Variants in IQCJ observed in about 807,000 individuals in gnomAD.
IQCJ encodes IQ motif containing J, also known as IQ domain-containing protein J.
Under a neutral mutation model 11.0 loss-of-function variants are expected in IQCJ, and 9 were observed. That is an observed-to-expected ratio of 0.82 (90% CI 0.49 to 1.43). The LOEUF (loss-of-function observed/expected upper bound fraction) is 1.43, where lower values mean the gene tolerates loss of function less well. Among genes scored for constraint, IQCJ ranks in the 40% most tolerant of loss-of-function variants. The pLI is 0.00. For missense variants in IQCJ, 146 were observed against 133.2 expected (o/e 1.10, Z -0.47); for synonymous variants, 55 against 51.3 (o/e 1.07, Z -0.31).
intron 1 of IQCJ, among the ~76,000 whole-genome samples, chr3:159,102,006 A>G (rs1319506710): frequency 1.3e-5 from 2 of 152,244 alleles, no homozygotes; most frequent in South Asian, 2.1e-4. Flanking sequence ...AAGTAATCAC[A>G]TCTGGTGTGA....
intron 1 of IQCJ, among the ~76,000 whole-genome samples, chr3:159,143,488 C>T (rs1306327303): frequency 6.6e-6 from 1 of 152,174 alleles, no homozygotes; most frequent in Non-Finnish European, 1.5e-5. Context: ...ACATTATATT[C>T]TCTCTTCACC....
At chr3:159,119,725 A>G (rs1422702218) in intron 1 of IQCJ, among the ~76,000 whole-genome samples, 6 of 152,180 alleles carry the variant, frequency 3.9e-5, no homozygotes, top group Non-Finnish European at 8.8e-5. Context: ...TAAGCAATGT[A>G]TCTCCTTTTT....
rs184507952 is a variant in IQCJ, at chr3:159,263,632, A to G, written c.*901A>G. On this transcript the variant is annotated 3_prime_UTR_variant, in exon 4 of 4. Coordinates refer to ENST00000397832, the MANE Select transcript of IQCJ (RefSeq NM_001042706.3). ...TCTTTTACTTTTGGTTATCATGTTTATTCTGTGGTAAAAAGGTTTCCCAAC... is the reference window on the plus strand; with the variant it reads ...TCTTTTACTTTTGGTTATCATGTTTGTTCTGTGGTAAAAAGGTTTCCCAAC... The G allele has an allele frequency of 1.5e-4, 145 of 985,272 alleles. No homozygotes were observed. In the East Asian group the frequency reaches 8.4e-3, roughly 57 times the overall value. 61.0% of individuals were successfully genotyped at this position (985,272 alleles called of 1,614,324 possible).
intron 1 of IQCJ, among the ~76,000 whole-genome samples, chr3:159,243,567 C>T (rs1727062492): frequency 6.6e-6 from 1 of 152,088 alleles, no homozygotes. Flanking sequence ...CAAAACTAAT[C>T]TACACAGATA....
chr3:159,206,729 C>G (rs1724675883), intron 1 of IQCJ, among the ~76,000 whole-genome samples: 5 of 152,092 alleles, frequency 3.3e-5, no homozygotes, highest in Admixed American at 3.3e-4. Flanking sequence ...TATGAGCTAC[C>G]CCATATCCTT....
At chr3:159,163,353 G>A (rs998645209) in intron 1 of IQCJ, among the ~76,000 whole-genome samples, 1 of 152,160 alleles carries the variant, frequency 6.6e-6, no homozygotes. Context: ...TGCAGAAAAG[G>A]CCTTTGACAA....
chr3:159,132,961 T>G (rs6778867), intron 1 of IQCJ, among the ~76,000 whole-genome samples: 179 of 152,346 alleles, frequency 1.2e-3, no homozygotes, highest in African/African-American at 4.2e-3. Context: ...TTCCTTTCTT[T>G]GTTTTGAGCC....
intron 1 of IQCJ, among the ~76,000 whole-genome samples, chr3:159,144,364 C>T (rs144503791): frequency 6.6e-6 from 1 of 152,168 alleles, no homozygotes; most frequent in Non-Finnish European, 1.5e-5. Context: ...TGTGTGTGTT[C>T]AAGCACAGAT....
chr3:159,095,350 T>A (rs1717656251), intron 1 of IQCJ, among the ~76,000 whole-genome samples: 2 of 151,206 alleles, frequency 1.3e-5, no homozygotes, highest in South Asian at 4.2e-4. Flanking sequence ...AAGAGGAAAA[T>A]TTATTTTATT....
At position 159,101,184 on chromosome 3, in the gene IQCJ, C is replaced by T. The variant is rs58891510; in HGVS notation, c.9+31743C>T. On this transcript the variant is annotated intron_variant, in intron 1 of 3. Coordinates refer to ENST00000397832, the MANE Select transcript of IQCJ (RefSeq NM_001042706.3). Reference sequence around the variant, plus strand: ...GACTCGGAAAGGGAATTCCCTGACCCCTTGCGCTTCCCAGGTGAGGCAATG... The same window carrying T: ...GACTCGGAAAGGGAATTCCCTGACCTCTTGCGCTTCCCAGGTGAGGCAATG... Among the ~76,000 whole-genome samples, 1,453 of 146,070 alleles carry T rather than the reference C, an allele frequency of 9.9e-3. 26 individuals carry two copies. Among genetic ancestry groups the T allele is most frequent in the African/African-American group, 0.035 (1,366 of 39,060 alleles).
intron 1 of IQCJ, among the ~76,000 whole-genome samples, chr3:159,236,383 T>C (rs2108167998): frequency 6.6e-6 from 1 of 152,312 alleles, no homozygotes; most frequent in South Asian, 2.1e-4. Context: ...GAGATGACTA[T>C]TAATGCCCAT....
At chr3:159,201,317 G>A (rs1724313295) in intron 1 of IQCJ, among the ~76,000 whole-genome samples, 1 of 152,146 alleles carries the variant, frequency 6.6e-6, no homozygotes, top group South Asian at 2.1e-4. Flanking sequence ...TAATTCTTTT[G>A]AAAAGTGAAG....
intron 1 of IQCJ, among the ~76,000 whole-genome samples, chr3:159,082,568 G>A (rs1312530441): frequency 6.6e-6 from 1 of 152,004 alleles, no homozygotes; most frequent in East Asian, 1.9e-4. Context: ...GGGGAAAAAT[G>A]GCATCTGCAA....
intron 1 of IQCJ, among the ~76,000 whole-genome samples, chr3:159,206,125 A>C (rs1024239233): frequency 1.3e-5 from 2 of 152,126 alleles, no homozygotes; most frequent in African/African-American, 4.8e-5. Flanking sequence ...CACTTCTCTG[A>C]ATCTTTCTTC....
chr3:159,230,696 AC>A (rs1167498757), intron 1 of IQCJ, among the ~76,000 whole-genome samples: 2 of 152,234 alleles, frequency 1.3e-5, no homozygotes, highest in Non-Finnish European at 2.9e-5. Context: ...GAAGAATGCT[AC>A]CTTCACAAGT....
intron 1 of IQCJ, among the ~76,000 whole-genome samples, chr3:159,125,930 A>G (rs1367577121): frequency 6.6e-6 from 1 of 152,196 alleles, no homozygotes; most frequent in Non-Finnish European, 1.5e-5. Flanking sequence ...ATGGCAAATC[A>G]GAAGTGAAGA....
intron 1 of IQCJ, among the ~76,000 whole-genome samples, chr3:159,117,943 G>T (rs946843129): frequency 2.0e-5 from 3 of 152,160 alleles, no homozygotes; most frequent in Admixed American, 1.3e-4. Context: ...ATTACTCCGT[G>T]ATGCGCCTTA....
At chr3:159,101,259 C>T (rs1173358917) in intron 1 of IQCJ, among the ~76,000 whole-genome samples, 1 of 149,826 alleles carries the variant, frequency 6.7e-6, no homozygotes, top group Non-Finnish European at 1.5e-5. Context: ...CTGGCCTGCG[C>T]CCACTGTCTG....
chr3:159,254,233 G>C (rs1727766879), intron 3 of IQCJ, among the ~76,000 whole-genome samples: 2 of 152,162 alleles, frequency 1.3e-5, no homozygotes, highest in South Asian at 4.1e-4. Context: ...TAATGTGAAT[G>C]CTGAAATTAA....
Sources: allele counts gnomAD v4.1 joint callset (sites outside exome capture counted in the v4.1 genomes callset), GRCh38; gene constraint gnomAD v4.1.1; transcripts MANE v1.5; gene names NCBI Gene and HGNC (gene_info 2026-07-23, HGNC 2026-07-21).